The following PRKG1 variants were observed in gnomAD, a reference collection of about 807,000 sequenced individuals.
PRKG1 encodes the protein protein kinase cGMP-dependent 1.
A neutral mutation model predicts 88.1 loss-of-function variants in PRKG1; 35 were observed. The ratio of observed to expected loss-of-function variants is 0.40; its 90% CI spans 0.30 to 0.53. PRKG1 has a LOEUF of 0.53. Ranked by LOEUF, PRKG1 falls within the 20% of genes least tolerant of loss-of-function variation. The pLI is 0.59. For missense variants in PRKG1, 540 were observed against 839.8 expected (o/e 0.64, Z 4.41); for synonymous variants, 303 against 292.5 (o/e 1.04, Z -0.37).
intron 9 of PRKG1, among the ~76,000 whole-genome samples, chr10:52,166,798 CATAT>C (rs1411580550): frequency 1.0e-5 from 1 of 96,772 alleles, no homozygotes; most frequent in South Asian, 3.9e-4. Flanking sequence ...TATATATATA[CATAT>C]ATATATGTAT....
chr10:52,208,161 G>A (rs1839870255), intron 9 of PRKG1, among the ~76,000 whole-genome samples: 1 of 152,128 alleles, frequency 6.6e-6, no homozygotes, highest in Non-Finnish European at 1.5e-5. Context: ...TGTGACCATA[G>A]TTATGATCTT....
chr10:51,788,824 A>T (rs1370585110), intron 3 of PRKG1, among the ~76,000 whole-genome samples: 6 of 152,136 alleles, frequency 3.9e-5, no homozygotes, highest in African/African-American at 1.4e-4. Flanking sequence ...TCTGCAGGAG[A>T]GTTACAGCAG....
At chr10:51,005,058 T>C (rs571104318) in intron 1 of PRKG1, among the ~76,000 whole-genome samples, 3 of 152,310 alleles carry the variant, frequency 2.0e-5, no homozygotes, top group Admixed American at 6.5e-5. Flanking sequence ...CATTTCATTA[T>C]TTTTTTCTTG....
intron 4 of PRKG1, among the ~76,000 whole-genome samples, chr10:51,808,632 A>G (rs1044319815): frequency 6.6e-6 from 1 of 152,124 alleles, no homozygotes; most frequent in African/African-American, 2.4e-5. Flanking sequence ...ACCACTGCAT[A>G]TATAGGAAGG....
intron 3 of PRKG1, among the ~76,000 whole-genome samples, chr10:51,662,069 G>T (rs1840313692): frequency 6.6e-6 from 1 of 152,098 alleles, no homozygotes; most frequent in African/African-American, 2.4e-5. Flanking sequence ...ACACACTGGG[G>T]CCTGTCATAG....
chr10:51,242,674 T>C (rs933960464), intron 2 of PRKG1, among the ~76,000 whole-genome samples: 1 of 152,148 alleles, frequency 6.6e-6, no homozygotes. Context: ...TGATCTTTGT[T>C]ACTTTATAGA....
At chr10:51,634,309 T>G (rs1247041552) in intron 3 of PRKG1, among the ~76,000 whole-genome samples, 1 of 152,096 alleles carries the variant, frequency 6.6e-6, no homozygotes, top group African/African-American at 2.4e-5. Context: ...ATTGTGGGCT[T>G]TGCTAAGTCT....
chr10:51,699,185 T>G, intron 3 of PRKG1: 1 of 1,614,158 alleles, frequency 6.2e-7, no homozygotes, highest in Non-Finnish European at 8.5e-7. Context: ...AGGGGCATCT[T>G]CTGGATCGAT....
chr10:51,906,729 T>C (rs902593168), intron 4 of PRKG1, among the ~76,000 whole-genome samples: 3 of 152,164 alleles, frequency 2.0e-5, no homozygotes, highest in African/African-American at 7.2e-5. Context: ...GTTAATTCTC[T>C]GCTAGATTAG....
At chr10:51,725,294 C>T (rs913614809) in intron 3 of PRKG1, among the ~76,000 whole-genome samples, 20 of 152,194 alleles carry the variant, frequency 1.3e-4, no homozygotes, top group African/African-American at 3.6e-4. Flanking sequence ...CAGGTGTCTG[C>T]ACTGGCCATT....
intron 2 of PRKG1, among the ~76,000 whole-genome samples, chr10:51,187,856 TA>T (rs1164131214): frequency 6.6e-6 from 1 of 152,058 alleles, no homozygotes. Context: ...CTAGGATGGT[TA>T]AAATTACCCA....
chr10:52,183,757 G>A (rs907876599), intron 9 of PRKG1, among the ~76,000 whole-genome samples: 2 of 152,210 alleles, frequency 1.3e-5, no homozygotes, highest in Admixed American at 6.5e-5. Context: ...AGCCTGGGTG[G>A]GGGTGAGGGA....
intron 2 of PRKG1, among the ~76,000 whole-genome samples, chr10:51,262,345 C>T (rs986910804): frequency 3.3e-5 from 5 of 152,052 alleles, no homozygotes; most frequent in Admixed American, 6.6e-5. Flanking sequence ...CGAGGATCAC[C>T]GATCATCAAA....
At position 52,090,258 on chromosome 10, in the gene PRKG1, A is replaced by T. The variant is rs984769854; in HGVS notation, c.935+27627A>T. Among the ~76,000 whole-genome samples the T allele has an allele frequency of 5.9e-5, 9 of 151,890 alleles. No homozygotes were observed. The South Asian group carries it at 8.3e-4, about 14-fold the overall frequency. The stretch of plus-strand genomic sequence containing the variant: ...GAAAGGAAGGAATGATTTTTTTTTT[A>T]AATGGCTACATACAAAAAAGACATT... On this transcript the variant is annotated intron_variant, in intron 7 of 17. Coordinates refer to ENST00000373980, the MANE Select transcript of PRKG1 (RefSeq NM_006258.4).
intron 5 of PRKG1, among the ~76,000 whole-genome samples, chr10:51,942,429 T>C (rs1365385072): frequency 6.6e-6 from 1 of 150,474 alleles, no homozygotes; most frequent in African/African-American, 2.4e-5. Flanking sequence ...GGTAGTTTCT[T>C]TTGCTGTGCA....
Position 51,652,727 on chromosome 10 carries a change from T to C in PRKG1, c.593-151858T>C, listed in dbSNP as rs141233890. Among the ~76,000 whole-genome samples the C allele has an allele frequency of 7.0e-3, 1,063 of 152,344 alleles. 12 individuals carry two copies. Among genetic ancestry groups the C allele is most frequent in the African/African-American group, 0.025 (1,025 of 41,576 alleles). On this transcript the variant is annotated intron_variant, in intron 3 of 17. Transcript: ENST00000373980. ...AATTAACATATCTATCATATCTTTTTGTGGTAAGAATATTTAAAATCTATT... is the reference window on the plus strand; with the variant it reads ...AATTAACATATCTATCATATCTTTTCGTGGTAAGAATATTTAAAATCTATT...
At chr10:51,141,876 C>CTTCTCTGAAATATTATAAT (rs1845829306) in intron 1 of PRKG1, among the ~76,000 whole-genome samples, 1 of 152,142 alleles carries the variant, frequency 6.6e-6, no homozygotes, top group Non-Finnish European at 1.5e-5. Context: ...TATATTCAGA[C>CTTCTCTGAAATATTATAAT]TTCTCTGAAA....
At chr10:51,806,651 A>G (rs1839315365) in intron 4 of PRKG1, among the ~76,000 whole-genome samples, 1 of 152,196 alleles carries the variant, frequency 6.6e-6, no homozygotes, top group Admixed American at 6.5e-5. Context: ...GCCTGAGGCC[A>G]GCTTTAATCT....
chr10:51,636,142 A>T (rs764989403), intron 3 of PRKG1, among the ~76,000 whole-genome samples: 1 of 152,102 alleles, frequency 6.6e-6, no homozygotes. Flanking sequence ...AGTTTTTTTT[A>T]GAAGTAAGTG....
Sources: allele counts gnomAD v4.1 joint callset (sites outside exome capture counted in the v4.1 genomes callset), GRCh38; gene constraint gnomAD v4.1.1; transcripts MANE v1.5; gene names NCBI Gene and HGNC (gene_info 2026-07-23, HGNC 2026-07-21).